Variants in NIBAN3 observed in about 807,000 individuals in gnomAD.
NIBAN3 encodes niban apoptosis regulator 3.
In NIBAN3, 66 loss-of-function variants were observed where a neutral mutation model predicts 76.4. The ratio of observed to expected loss-of-function variants is 0.86; its 90% confidence interval spans 0.71 to 1.06. NIBAN3 has a LOEUF of 1.06. Among genes scored for constraint, NIBAN3 ranks in the 50% least tolerant of loss-of-function variants. The pLI is 0.00. For missense variants in NIBAN3, 808 were observed against 810.7 expected (o/e 1.00, Z 0.04); for synonymous variants, 360 against 355.2 (o/e 1.01, Z -0.15).
chr19:17,524,367 C>G (rs1258094640), upstream of NIBAN3, among the ~76,000 whole-genome samples: 1 of 152,054 alleles, frequency 6.6e-6, no homozygotes, highest in Non-Finnish European at 1.5e-5. Flanking sequence ...CTCACTGCAA[C>G]CTCCGCCTCC....
At position 17,542,303 on chromosome 19, in the gene NIBAN3, G is replaced by A; in HGVS notation, c.1329+9G>A. The A allele has an allele frequency of 6.3e-7, 1 of 1,597,942 alleles. No homozygotes were observed. On this transcript the variant is annotated intron_variant, in intron 10 of 14. Transcript: ENST00000599164. The surrounding 1 kb of genome is among the most constrained non-coding windows in gnomAD (Gnocchi z 4.8). ...AAGATCTTGCACAGCAGGTGAGGGTGAGAGGAGGCTGGGATGAGGCCAGGC... is the reference window on the plus strand; with the variant it reads ...AAGATCTTGCACAGCAGGTGAGGGTAAGAGGAGGCTGGGATGAGGCCAGGC...
At chr19:17,533,727 C>T in intron 4 of NIBAN3, 26 bp downstream of exon 4, 1 of 1,529,694 alleles carries the variant, frequency 6.5e-7, no homozygotes, top group Non-Finnish European at 9.1e-7. Flanking sequence ...TTCCCAGGAA[C>T]AGGTTTCTCC....
rs536652149 is a variant in NIBAN3 at position 17,532,308 on chromosome 19, C to T, written c.232C>T (p.Arg78Trp). ...GCACCGAGGACCCCTGACCCAGCTT[C>T]GGGGCCACCCACCCCGGTGGCAGCC... ...REHRGPLTQLRGHPPRWQPIF... is the reference protein window; with the variant it reads ...REHRGPLTQLWGHPPRWQPIF... The change falls in exon 3 of 15, where the codon CGG becomes TGG. Residue 78 changes from arginine (R) to tryptophan (W), a missense_variant. By Grantham distance (101) the Arg-to-Trp change is moderately radical. Transcript: ENST00000599164. 1.7e-5 allele frequency: 28 copies of T among 1,614,046 alleles called. No individual in the cohort carries two copies. Among genetic ancestry groups the T allele is most frequent in the Middle Eastern group, 1.6e-4 (1 of 6,062 alleles).
At chr19:17,541,005 G>C (rs1467404378) in intron 9 of NIBAN3, among the ~76,000 whole-genome samples, 1 of 152,072 alleles carries the variant, frequency 6.6e-6, no homozygotes, top group Non-Finnish European at 1.5e-5. Flanking sequence ...CAAAGTGCTG[G>C]GATTACAGGC....
At chr19:17,544,755 T>C (rs2076018973) in intron 12 of NIBAN3, among the ~76,000 whole-genome samples, 1 of 152,166 alleles carries the variant, frequency 6.6e-6, no homozygotes, top group South Asian at 2.1e-4. Context: ...GGCGGGTGTC[T>C]GACATGGGTA....
intron 3 of NIBAN3, among the ~76,000 whole-genome samples, chr19:17,533,010 C>A (rs571170758): frequency 6.6e-6 from 1 of 152,080 alleles, no homozygotes; most frequent in Non-Finnish European, 1.5e-5. Flanking sequence ...TCGTGGCTCA[C>A]GCCTATAATC....
chr19:17,527,464 G>A (rs141152486), intron 1 of NIBAN3, 69 bp downstream of exon 1: 427 of 1,431,852 alleles, frequency 3.0e-4, no homozygotes, highest in Admixed American at 5.5e-4. Context: ...GGGTCCACAT[G>A]CTCCATGCAG....
intron 9 of NIBAN3, among the ~76,000 whole-genome samples, 183 bp downstream of exon 9, chr19:17,540,765 G>A (rs542584423): frequency 2.6e-5 from 4 of 152,264 alleles, no homozygotes; most frequent in African/African-American, 9.6e-5. Flanking sequence ...CAGGGGTGTC[G>A]CTCTGTCACC....
intron 1 of NIBAN3, 139 bp from the exon 2 acceptor site, chr19:17,530,616 A>G (rs2144676943): frequency 3.0e-6 from 2 of 659,486 alleles, no homozygotes; most frequent in South Asian, 2.5e-5. Flanking sequence ...AGGATGAATG[A>G]AATTTGGTGA....
In NIBAN3 at chr19:17,540,399, CAGGGGA is replaced by C. The variant is rs755219479; in HGVS notation, c.988_993del (p.Arg330_Gly331del). ...AGTGTCTTCCACTCCCAGCGGATAT[CAGGGGA>C]CCGCTCGAGTCGTGCCTGCGCCGGG... is the stretch of plus-strand genomic sequence containing the variant. On this transcript the variant is annotated inframe_deletion, in exon 9 of 15. Coordinates refer to ENST00000599164, the MANE Select transcript of NIBAN3 (RefSeq NM_001321827.2). 2.4e-5 allele frequency: 36 copies of C among 1,495,612 alleles called. No individual in the cohort carries two copies. In the African/African-American group the frequency reaches 4.1e-4, roughly 17 times the overall value. 92.6% of individuals were successfully genotyped at this position (1,495,612 alleles called of 1,614,324 possible).
intron 6 of NIBAN3, 32 bp from the exon 7 acceptor site, chr19:17,539,315 G>A: frequency 1.3e-6 from 2 of 1,555,216 alleles, no homozygotes; most frequent in East Asian, 2.4e-5. Flanking sequence ...CCTCCCGGCC[G>A]ACCGCGGCGC....
At chr19:17,545,549 G>T in intron 12 of NIBAN3, 1 of 165,680 alleles carries the variant, frequency 6.0e-6, no homozygotes, top group South Asian at 1.6e-4. Context: ...AAAGCAAAAG[G>T]GGCAGGGTAA....
chr19:17,540,883 G>A (rs1356266390), intron 9 of NIBAN3, among the ~76,000 whole-genome samples: 2 of 152,114 alleles, frequency 1.3e-5, no homozygotes, highest in South Asian at 2.1e-4. Context: ...ACAGGCGCAC[G>A]CCACCAAGCC....
At chr19:17,526,993 C>G (rs2144659453), upstream of NIBAN3, among the ~76,000 whole-genome samples, 1 of 152,230 alleles carries the variant, frequency 6.6e-6, no homozygotes, top group Admixed American at 6.5e-5. Flanking sequence ...ATGCCGCATC[C>G]CTGCCCATCC....
chr19:17,540,551 A>G lies in NIBAN3; in HGVS notation c.1139A>G (p.Gln380Arg). The change falls in exon 9 of 15, where the codon CAG (glutamine) becomes CGG (arginine). Residue 380 changes from glutamine (Q) to arginine (R), a missense_variant. Coordinates refer to ENST00000599164, the MANE Select transcript of NIBAN3 (RefSeq NM_001321827.2). Reference protein sequence around the residue: ...GMDRLSHRLRQSPSGTRLRRE... With the variant: ...GMDRLSHRLRRSPSGTRLRRE... ...GACCGACTGTCCCACCGCCTGCGCC[A>G]GAGCCCCTCAGGCACGCGGCTGCGC... 1 of 1,556,194 alleles carries G rather than the reference A, an allele frequency of 6.4e-7. No homozygotes were observed. The highest frequency in any genetic ancestry group is 1.2e-5 in the South Asian group (1 of 84,798).
At chr19:17,550,721 A>G (rs886142204) in intron 14 of NIBAN3, among the ~76,000 whole-genome samples, 3 of 152,028 alleles carry the variant, frequency 2.0e-5, no homozygotes. Context: ...AGGATTTGCA[A>G]TTGGATGTGA....
chr19:17,539,232 C>A lies in NIBAN3; in HGVS notation c.678C>A (p.Gly226=). ...RLYRQHQGHF[G]DDDVTLGSDA... is the part of the protein sequence containing the mutation. ...ACCGGCAGCACCAAGGCCACTTTGG[C>A]GACGACGACGTGACCCTAGGCTCAG... Residue 226 remains glycine (G), a synonymous_variant, in exon 6 of 15, where the codon GGC becomes GGA. Coordinates refer to ENST00000599164, the MANE Select transcript of NIBAN3 (RefSeq NM_001321827.2). 6.2e-7 allele frequency: 1 copy of A among 1,607,470 alleles called. No individual in the cohort carries two copies. The highest frequency in any genetic ancestry group is 2.2e-5 in the East Asian group (1 of 44,596).
chr19:17,527,418 G>C, intron 1 of NIBAN3, 23 bp downstream of exon 1: 1 of 1,497,082 alleles, frequency 6.7e-7, no homozygotes, highest in Middle Eastern at 2.3e-4. Flanking sequence ...GGAGGGGACA[G>C]GGTGGGAGTC....
In NIBAN3 at chr19:17,542,179, A is replaced by C; in HGVS notation, c.1214A>C (p.Gln405Pro). Residue 405 changes from glutamine to proline, a missense_variant, in exon 10 of 15, where the codon CAG becomes CCG. Gln to Pro is a moderately conservative substitution (Grantham distance 76). Transcript: ENST00000599164. The surrounding 1 kb of genome is among the most constrained non-coding windows in gnomAD (Gnocchi z 4.8). ...ATGCCGTGGGACTTGGCGCTGATGC[A>C]GACATGCTACCGTGAGGCCGAGCGG... ...GEMPWDLALM[Q>P]TCYREAERSR... The C allele has an allele frequency of 6.2e-7, 1 of 1,614,166 alleles. No homozygotes were observed. Among genetic ancestry groups the C allele is most frequent in the Admixed American group, 1.7e-5 (1 of 60,020 alleles).
Sources: allele counts gnomAD v4.1 joint callset (sites outside exome capture counted in the v4.1 genomes callset), GRCh38; gene constraint gnomAD v4.1.1; non-coding constraint Gnocchi (gnomAD v3.1); transcripts MANE v1.5; gene names NCBI Gene and HGNC (gene_info 2026-07-23, HGNC 2026-07-21).